Variants in CDH9 observed in about 807,000 individuals in gnomAD.
The protein encoded by CDH9 is cadherin-9.
A neutral mutation model predicts 70.9 loss-of-function variants in CDH9; 28 were observed. The ratio of observed to expected loss-of-function variants is 0.40; its 90% confidence interval spans 0.29 to 0.54. The LOEUF (loss-of-function observed/expected upper bound fraction) is 0.54, where lower values mean the gene tolerates loss of function less well. Among genes scored for constraint, CDH9 ranks in the 20% least tolerant of loss-of-function variants. CDH9 has a pLI of 0.59. For missense variants in CDH9, 874 were observed against 984.4 expected, an observed-to-expected ratio of 0.89 and a Z score of 1.50; for synonymous variants, 409 against 343.1, an observed-to-expected ratio of 1.19 and a Z score of -2.12.
chr5:27,021,849 C>T (rs1743143226), intron 1 of CDH9, among the ~76,000 whole-genome samples: 1 of 151,830 alleles, frequency 6.6e-6, no homozygotes. Context: ...TTCATAACAT[C>T]AGGAAGAAAT....
At position 26,987,091 on chromosome 5, in the gene CDH9, CTTT is replaced by C. The variant is rs201154706; in HGVS notation, c.228+1012_228+1014del. The stretch of plus-strand genomic sequence containing the variant: ...ATTTGTGATATTAGGCACTTGTATT[CTTT>C]TTTTTTTTTTTTTTTTTTTCATTTT... On this transcript the variant is annotated intron_variant, in intron 2 of 11. Coordinates refer to ENST00000231021, the MANE Select transcript of CDH9 (RefSeq NM_016279.4). 5.6e-3 allele frequency among the ~76,000 whole-genome samples: 605 copies of C among 108,260 alleles called. 3 individuals are homozygous for C. Among genetic ancestry groups the C allele is most frequent in the African/African-American group, 0.02 (582 of 29,522 alleles). 71.0% of individuals were successfully genotyped at this position (108,260 alleles called of 152,430 possible). A position where few individuals can be genotyped will look rare whatever the true frequency, so the allele number is the denominator to read the frequency against.
chr5:26,942,203 G>C (rs2012191), intron 2 of CDH9, among the ~76,000 whole-genome samples: 121,567 of 152,082 alleles, frequency 0.8, 51,257 homozygotes, highest in East Asian at 0.99. Flanking sequence ...AGGGAAAAAG[G>C]CTCTTATAAA....
Position 26,980,876 on chromosome 5 carries a change from C to A in CDH9, c.228+7230G>T, listed in dbSNP as rs553835737. On this transcript the variant is annotated intron_variant, in intron 2 of 11. Coordinates refer to ENST00000231021, the MANE Select transcript of CDH9 (RefSeq NM_016279.4). ...TAGAGAAATTCTTTAAGATAAGGAC[C>A]AATTAATCTTATTTACTATGATTTC... 4.4e-3 allele frequency among the ~76,000 whole-genome samples: 665 copies of A among 151,990 alleles called. 2 individuals are homozygous for A. The highest frequency in any genetic ancestry group is 0.015 in the African/African-American group (630 of 41,502).
At chr5:26,977,273 G>T (rs1742316434) in intron 2 of CDH9, among the ~76,000 whole-genome samples, 1 of 151,798 alleles carries the variant, frequency 6.6e-6, no homozygotes. Context: ...AAAATCTAAA[G>T]GACTTTGAAA....
chr5:27,029,560 C>T (rs531976856), intron 1 of CDH9, among the ~76,000 whole-genome samples: 229 of 152,114 alleles, frequency 1.5e-3, no homozygotes, highest in African/African-American at 5.3e-3. Flanking sequence ...AGTGAAGGTG[C>T]TCTTCCCAGC....
chr5:27,020,745 CACTATA>C (rs1561043359), intron 1 of CDH9, among the ~76,000 whole-genome samples: 2 of 149,230 alleles, frequency 1.3e-5, no homozygotes, highest in African/African-American at 2.5e-5. Context: ...CACACACACA[CACTATA>C]TATATATATA....
At chr5:26,963,908 A>G (rs1742082396) in intron 2 of CDH9, among the ~76,000 whole-genome samples, 1 of 152,154 alleles carries the variant, frequency 6.6e-6, no homozygotes, top group Admixed American at 6.6e-5. Context: ...CTTTCACAAG[A>G]CTACTATGAT....
chr5:26,985,627 A>G (rs1357363327), intron 2 of CDH9, among the ~76,000 whole-genome samples: 1 of 152,100 alleles, frequency 6.6e-6, no homozygotes, highest in Non-Finnish European at 1.5e-5. Context: ...ATTTTCTATG[A>G]TTCCCAGCTT....
chr5:26,884,509 G>T (rs1349488413), intron 11 of CDH9, among the ~76,000 whole-genome samples: 1 of 152,106 alleles, frequency 6.6e-6, no homozygotes, highest in African/African-American at 2.4e-5. Flanking sequence ...GAACTCTCTA[G>T]CAGTAGGTGG....
At chr5:26,926,486 G>A (rs530788490) in intron 2 of CDH9, among the ~76,000 whole-genome samples, 284 of 152,022 alleles carry the variant, frequency 1.9e-3, no homozygotes, top group African/African-American at 6.5e-3. Flanking sequence ...TGGATAGGAA[G>A]AATCAATATC....
intron 9 of CDH9, among the ~76,000 whole-genome samples, chr5:26,888,522 T>C (rs73073518): frequency 0.01 from 1,557 of 152,288 alleles, 31 homozygotes; most frequent in African/African-American, 0.036. Flanking sequence ...GAGATGCCCA[T>C]TATATGTTGC....
chr5:26,944,533 G>C (rs1579467127), intron 2 of CDH9, among the ~76,000 whole-genome samples: 2 of 152,138 alleles, frequency 1.3e-5, no homozygotes, highest in Middle Eastern at 3.4e-3. Context: ...CATGCCTGTA[G>C]TTCCAGCTAC....
At position 26,881,254 on chromosome 5, in the gene CDH9, C is replaced by A; in HGVS notation, c.2252G>T (p.Ser751Ile). The A allele has an allele frequency of 6.2e-7, 1 of 1,613,446 alleles. No individual in the cohort carries two copies. Among genetic ancestry groups the A allele is most frequent in the Non-Finnish European group, 8.5e-7 (1 of 1,179,530 alleles). Residue 751 changes from serine (S) to isoleucine (I), a missense_variant, in exon 12 of 12, where the codon AGT becomes ATT. Ser to Ile is a moderately radical substitution (Grantham distance 142). Transcript: ENST00000231021. The stretch of plus-strand genomic sequence containing the variant: ...ATCAGCTGTGAGAGATTCCAAAGAA[C>A]TGAGCGAATCTGCTATGGAATCATT... The part of the protein sequence containing the change: ...EGNDSIADSL[S>I]SLESLTADCN...
intron 2 of CDH9, among the ~76,000 whole-genome samples, chr5:26,943,568 G>T (rs1200879395): frequency 6.6e-6 from 1 of 150,550 alleles, no homozygotes; most frequent in Non-Finnish European, 1.5e-5. Context: ...AGGGCAAGGA[G>T]AATATATCAG....
chr5:26,988,272 G>C lies in CDH9; in HGVS notation c.62C>G (p.Thr21Ser). The C allele has an allele frequency of 6.2e-7, 1 of 1,613,338 alleles. No homozygotes were observed. Among genetic ancestry groups the C allele is most frequent in the Non-Finnish European group, 8.5e-7 (1 of 1,179,524 alleles). Residue 21 changes from threonine to serine, a missense_variant, in exon 2 of 12, where the codon ACC becomes AGC. Coordinates refer to ENST00000231021, the MANE Select transcript of CDH9 (RefSeq NM_016279.4). ...IWTYMFHTVD[T>S]ILLQEKPNSY... ...GTTAGGTTTTTCTTGTAATAGGATG[G>C]TGTCAACTGTATGGAACATATAGGT...
chr5:27,034,184 AAAT>A (rs1178434591), intron 1 of CDH9, among the ~76,000 whole-genome samples: 2 of 151,762 alleles, frequency 1.3e-5, no homozygotes, highest in African/African-American at 4.8e-5. Flanking sequence ...ATTCAAATTT[AAAT>A]AATAATTATT....
rs1178642028 is a variant in CDH9, at chr5:26,988,356, T to A, written c.-23A>T. ...CATTATCTGCAACTTCAGTGGGTTG[T>A]CAAATTCAATGTATTGTTTGTTTTT... On this transcript the variant is annotated 5_prime_UTR_variant, in exon 2 of 12. Transcript: ENST00000231021. 6.2e-7 allele frequency: 1 copy of A among 1,602,602 alleles called. No individual in the cohort carries two copies. Among genetic ancestry groups the A allele is most frequent in the Non-Finnish European group, 8.5e-7 (1 of 1,172,302 alleles).
chr5:26,930,019 G>T (rs1250482155), intron 2 of CDH9, among the ~76,000 whole-genome samples: 2 of 151,612 alleles, frequency 1.3e-5, no homozygotes. Flanking sequence ...CACAGAGAAA[G>T]CATAAAAGCT....
chr5:26,986,467 A>G (rs771095720), intron 2 of CDH9, among the ~76,000 whole-genome samples: 8 of 152,170 alleles, frequency 5.3e-5, no homozygotes, highest in Non-Finnish European at 5.9e-5. Flanking sequence ...TATATTTAAA[A>G]TGTGAGAACA....
Sources: allele counts gnomAD v4.1 joint callset (sites outside exome capture counted in the v4.1 genomes callset), GRCh38; gene constraint gnomAD v4.1.1; transcripts MANE v1.5; gene names NCBI Gene and HGNC (gene_info 2026-07-23, HGNC 2026-07-21).